The following ZNF654 variants were observed in gnomAD, a reference collection of about 807,000 sequenced individuals.
The protein encoded by ZNF654 is zinc finger protein 654.
Under a neutral mutation model 95.3 loss-of-function variants are expected in ZNF654, and 19 were observed. The observed-to-expected ratio is 0.20, with a 90% confidence interval of 0.14 to 0.29. The LOEUF (loss-of-function observed/expected upper bound fraction) is 0.29, where lower values mean the gene tolerates loss of function less well. Among genes scored for constraint, ZNF654 ranks in the 10% least tolerant of loss-of-function variants. ZNF654 has a pLI of 1.00. For missense variants in ZNF654, 1,046 were observed against 1,341.0 expected (o/e 0.78, Z 3.44); for synonymous variants, 413 against 457.9 (o/e 0.90, Z 1.25).
At chr3:88,117,297 G>A (rs1014443680) in intron 3 of ZNF654, among the ~76,000 whole-genome samples, 4 of 152,130 alleles carry the variant, frequency 2.6e-5, no homozygotes, top group African/African-American at 7.2e-5. Context: ...TCCTGAAAAT[G>A]TAGGACTCAT....
At chr3:88,097,116 C>T (rs1184369761) in intron 2 of ZNF654, among the ~76,000 whole-genome samples, 2 of 152,054 alleles carry the variant, frequency 1.3e-5, no homozygotes, top group Non-Finnish European at 2.9e-5. Flanking sequence ...TTATCAACAA[C>T]CCTTTAATGA....
intron 1 of ZNF654, among the ~76,000 whole-genome samples, chr3:88,062,547 CTT>C (rs983021744): frequency 3.9e-5 from 6 of 152,176 alleles, no homozygotes; most frequent in African/African-American, 1.2e-4. Flanking sequence ...GCTGTAAACA[CTT>C]TTCTAATTCC....
chr3:88,095,397 A>AT, intron 2 of ZNF654: 1 of 331,580 alleles, frequency 3.0e-6, no homozygotes, highest in Non-Finnish European at 5.7e-6. Context: ...AGTGACAGGG[A>AT]TCACCCCCTT....
At chr3:88,130,783 C>T (rs956851188) in intron 6 of ZNF654, among the ~76,000 whole-genome samples, 3 of 151,858 alleles carry the variant, frequency 2.0e-5, no homozygotes, top group Non-Finnish European at 4.4e-5. Context: ...AGATTAAAAT[C>T]TTCAAACTCA....
intron 2 of ZNF654, among the ~76,000 whole-genome samples, chr3:88,088,737 C>A (rs1708467462): frequency 7.1e-6 from 1 of 141,378 alleles, no homozygotes; most frequent in African/African-American, 2.6e-5. Flanking sequence ...TAAAAAAAAA[C>A]CTTTATTTAT....
chr3:88,123,662 T>G (rs1705915700), intron 3 of ZNF654, among the ~76,000 whole-genome samples: 2 of 152,312 alleles, frequency 1.3e-5, no homozygotes, highest in South Asian at 4.1e-4. Context: ...AAATACATCT[T>G]GACTTAGTCC....
Position 88,087,605 on chromosome 3 carries a change from C to T in ZNF654, c.332+1203C>T, listed in dbSNP as rs568195259. Among the ~76,000 whole-genome samples, 299 of 152,264 alleles carry T rather than the reference C, an allele frequency of 2.0e-3. 1 individual carries two copies. The highest frequency in any genetic ancestry group is 6.8e-3 in the African/African-American group (281 of 41,558). ...TAGAGGAATGGTCATTGCAACACAG[C>T]GGAGCAAGTCACAGCTTCATCTGTT... On this transcript the variant is annotated intron_variant, in intron 2 of 8. Coordinates refer to ENST00000636215, the MANE Select transcript of ZNF654 (RefSeq NM_001350134.2).
At chr3:88,125,644 G>A (rs1706055196) in intron 3 of ZNF654, among the ~76,000 whole-genome samples, 1 of 152,050 alleles carries the variant, frequency 6.6e-6, no homozygotes, top group Non-Finnish European at 1.5e-5. Context: ...CTTCTACCAC[G>A]ATTTAGATTA....
At chr3:88,107,785 A>G (rs924109796) in intron 2 of ZNF654, among the ~76,000 whole-genome samples, 3 of 151,890 alleles carry the variant, frequency 2.0e-5, no homozygotes, top group Non-Finnish European at 4.4e-5. Flanking sequence ...AATTTCAGTG[A>G]TTTTATTATT....
At chr3:88,086,195 T>G (rs1234762151) in intron 1 of ZNF654, 62 bp from the exon 2 acceptor site, 7 of 1,457,988 alleles carry the variant, frequency 4.8e-6, no homozygotes, top group Non-Finnish European at 6.4e-6. Context: ...TTTATGCAAA[T>G]TTTTAAACTC....
chr3:88,140,301 G>C lies in ZNF654; in HGVS notation c.2632G>C (p.Ala878Pro). The C allele has an allele frequency of 6.2e-7, 1 of 1,613,710 alleles. No individual in the cohort carries two copies. The change falls in exon 8 of 9, where the codon GCA becomes CCA. Residue 878 changes from alanine to proline, a missense_variant. This residue lies in a region of ZNF654 where 495 missense variants were observed against 537.0 expected (regional missense o/e 0.92). Coordinates refer to ENST00000636215, the MANE Select transcript of ZNF654 (RefSeq NM_001350134.2). ...TTTAAGTAAAACACCAGAGTCATCT[G>C]CACAACCAAGTGAAACAATTCTTTG... is the stretch of plus-strand genomic sequence containing the variant. Reference protein sequence around the residue: ...HYLSKTPESSAQPSETILWDV... With the variant: ...HYLSKTPESSPQPSETILWDV...
intron 1 of ZNF654, among the ~76,000 whole-genome samples, chr3:88,065,066 G>T (rs953638229): frequency 6.6e-6 from 1 of 152,064 alleles, no homozygotes; most frequent in African/African-American, 2.4e-5. Flanking sequence ...AAATTTAATT[G>T]CATTGATGCA....
chr3:88,096,578 C>A (rs1704073395), intron 2 of ZNF654, among the ~76,000 whole-genome samples: 1 of 152,032 alleles, frequency 6.6e-6, no homozygotes. Flanking sequence ...TTTTTTTCTT[C>A]CCATACTTTA....
intron 1 of ZNF654, among the ~76,000 whole-genome samples, chr3:88,061,879 G>A (rs959050): frequency 0.78 from 119,139 of 152,048 alleles, 47,592 homozygotes; most frequent in South Asian, 0.91. Context: ...AGTTAACTAA[G>A]TACATGAATT....
At chr3:88,073,262 A>G (rs1326381184) in intron 1 of ZNF654, among the ~76,000 whole-genome samples, 1 of 152,202 alleles carries the variant, frequency 6.6e-6, no homozygotes, top group Non-Finnish European at 1.5e-5. Context: ...AATGAGTCTA[A>G]TGCATGCTAA....
intron 6 of ZNF654, among the ~76,000 whole-genome samples, chr3:88,130,241 T>C (rs561181851): frequency 4.6e-4 from 70 of 152,228 alleles, no homozygotes; most frequent in African/African-American, 1.6e-3. Flanking sequence ...TTTCCTCAGC[T>C]CCAGTACACC....
At chr3:88,065,684 A>G (rs1707156931) in intron 1 of ZNF654, among the ~76,000 whole-genome samples, 1 of 152,150 alleles carries the variant, frequency 6.6e-6, no homozygotes, top group Non-Finnish European at 1.5e-5. Context: ...AAGTATATAA[A>G]ATAAATTTCA....
chr3:88,066,747 C>T (rs1283323333), intron 1 of ZNF654, among the ~76,000 whole-genome samples: 1 of 152,106 alleles, frequency 6.6e-6, no homozygotes, highest in Non-Finnish European at 1.5e-5. Flanking sequence ...ACTGAATTTT[C>T]TTGCTTTCCT....
chr3:88,087,691 C>T (rs1708409952), intron 2 of ZNF654, among the ~76,000 whole-genome samples: 1 of 152,148 alleles, frequency 6.6e-6, no homozygotes, highest in Non-Finnish European at 1.5e-5. Context: ...ACACTTATTA[C>T]AAATTGCAAT....
Sources: allele counts gnomAD v4.1 joint callset (sites outside exome capture counted in the v4.1 genomes callset), GRCh38; gene constraint gnomAD v4.1.1; regional missense constraint gnomAD v4.1.1; transcripts MANE v1.5; gene names NCBI Gene and HGNC (gene_info 2026-07-23, HGNC 2026-07-21).